Variants in RTL10 observed in about 807,000 individuals in gnomAD.
RTL10 encodes the protein retrotransposon Gag like 10.
For missense variants in RTL10, 477 were observed against 470.7 expected (o/e 1.01, Z -0.12); for synonymous variants, 199 against 188.4 (o/e 1.06, Z -0.46).
chr22:19,846,705 T>C lies in RTL10; in HGVS notation c.*4462A>G, dbSNP rs887417927. ...GTCATGAGGGTGGGCCCTGATCCAATAGACTAGTGAGCTTATGAGAGATTA... is the reference window on the plus strand; with the variant it reads ...GTCATGAGGGTGGGCCCTGATCCAACAGACTAGTGAGCTTATGAGAGATTA... On this transcript the variant is annotated 3_prime_UTR_variant, in exon 3 of 3. Transcript: ENST00000328554. 1.6e-5 allele frequency: 6 copies of C among 376,722 alleles called. No individual in the cohort carries two copies. Among genetic ancestry groups the C allele is most frequent in the African/African-American group, 2.2e-5 (1 of 45,614 alleles). The allele number at this position is 376,722 out of a possible 1,614,324, so 23.3% of individuals were successfully genotyped here.
Position 19,846,360 on chromosome 22 carries a change from TTTC to T in RTL10, c.*4804_*4806del. On this transcript the variant is annotated 3_prime_UTR_variant, in exon 3 of 3. Transcript: ENST00000328554. Reference sequence around the variant, plus strand: ...TTTGTACCCCCCAGGTAGGGAAAGATTTCTTAAGTGAGAAACAGCATCCCATAC... The same window carrying T: ...TTTGTACCCCCCAGGTAGGGAAAGATTTAAGTGAGAAACAGCATCCCATAC... 1.1e-6 allele frequency: 1 copy of T among 952,034 alleles called. No homozygotes were observed. Among genetic ancestry groups the T allele is most frequent in the Non-Finnish European group, 1.3e-6 (1 of 799,522 alleles). The allele number at this position is 952,034 out of a possible 1,614,324, so 59.0% of individuals were successfully genotyped here. A position where few individuals can be genotyped will look rare whatever the true frequency, so the allele number is the denominator to read the frequency against.
At chr22:19,853,713 C>T (rs1214945032) in intron 2 of RTL10, among the ~76,000 whole-genome samples, 1 of 151,262 alleles carries the variant, frequency 6.6e-6, no homozygotes, top group Non-Finnish European at 1.5e-5. Flanking sequence ...GGTCTGACCC[C>T]CCTCTGGGGG....
In RTL10 at chr22:19,851,375, G is replaced by A. The variant is rs1171488287; in HGVS notation, c.887C>T (p.Ala296Val). Reference sequence around the variant, plus strand: ...CGACAGTCTAGGGACAGGTGTGGGGGCTGCCTCCTCTGGCTGGGAAGAGGC... The same window carrying A: ...CGACAGTCTAGGGACAGGTGTGGGGACTGCCTCCTCTGGCTGGGAAGAGGC... ...EPASSQPEEA[A>V]PTPVPRLSES... The change falls in exon 3 of 3, where the codon GCC becomes GTC. Residue 296 changes from alanine to valine, a missense_variant. Coordinates refer to ENST00000328554, the MANE Select transcript of RTL10 (RefSeq NM_024627.6). 3 of 1,614,172 alleles carry A rather than the reference G, an allele frequency of 1.9e-6. No homozygotes were observed. Among genetic ancestry groups the A allele is most frequent in the Admixed American group, 1.7e-5 (1 of 60,024 alleles).
In RTL10 at chr22:19,851,791, G is replaced by A; in HGVS notation, c.471C>T (p.Tyr157=). ...TGRAQAWAAP[Y]LDGDLPLPDD... is the part of the protein sequence containing the mutation. ...CAGGCAGGGGCAGGTCCCCATCAAG[G>A]TAGGGGGCTGCCCAGGCCTGGGCTC... is the stretch of plus-strand genomic sequence containing the variant. The change falls in exon 3 of 3, where the codon TAC becomes TAT. Residue 157 remains tyrosine (Y), a synonymous_variant. Transcript: ENST00000328554. The A allele has an allele frequency of 6.8e-6, 11 of 1,613,972 alleles. No homozygotes were observed. The highest frequency in any genetic ancestry group is 9.3e-6 in the Non-Finnish European group (11 of 1,179,910).
Position 19,852,400 on chromosome 22 carries a change from T to C in RTL10, c.-139A>G. The stretch of plus-strand genomic sequence containing the variant: ...GACCCGCACTGGTCCAGGCAAGTGC[T>C]GAGGATCAGGGAGCTGACAGCTGCA... On this transcript the variant is annotated 5_prime_UTR_variant, in exon 3 of 3. Coordinates refer to ENST00000328554, the MANE Select transcript of RTL10 (RefSeq NM_024627.6). 1.1e-6 allele frequency: 1 copy of C among 893,756 alleles called. No homozygotes were observed. The highest frequency in any genetic ancestry group is 3.6e-4 in the Middle Eastern group (1 of 2,806). 55.4% of individuals were successfully genotyped at this position (893,756 alleles called of 1,614,324 possible).
chr22:19,850,332 G>A lies in RTL10; in HGVS notation c.*835C>T. On this transcript the variant is annotated 3_prime_UTR_variant, in exon 3 of 3. Coordinates refer to ENST00000328554, the MANE Select transcript of RTL10 (RefSeq NM_024627.6). ...CTGTGCTGAGGGTCACAGTCTGCCA[G>A]GAGGGAGATCCAAGTCATTTACACA... 9 of 984,540 alleles carry A rather than the reference G, an allele frequency of 9.1e-6. No individual in the cohort carries two copies. Among genetic ancestry groups the A allele is most frequent in the Middle Eastern group, 5.2e-4 (1 of 1,912 alleles). The allele number at this position is 984,540 out of a possible 1,614,324, so 61.0% of individuals were successfully genotyped here.
In RTL10 at chr22:19,852,379, C is replaced by T. The variant is rs1413936736; in HGVS notation, c.-118G>A. On this transcript the variant is annotated 5_prime_UTR_variant, in exon 3 of 3. Transcript: ENST00000328554. ...ATGGCTGAACAGGGCGTGGCAGACC[C>T]GCACTGGTCCAGGCAAGTGCTGAGG... 9.0e-6 allele frequency: 10 copies of T among 1,113,404 alleles called. No individual in the cohort carries two copies. In the East Asian group the frequency reaches 9.6e-5, roughly 11 times the overall value. 69.0% of individuals were successfully genotyped at this position (1,113,404 alleles called of 1,614,324 possible). A position where few individuals can be genotyped will look rare whatever the true frequency, so the allele number is the denominator to read the frequency against.
At position 19,851,952 on chromosome 22, in the gene RTL10, G is replaced by T; in HGVS notation, c.310C>A (p.Pro104Thr). 6.2e-7 allele frequency: 1 copy of T among 1,614,090 alleles called. No homozygotes were observed. The highest frequency in any genetic ancestry group is 8.5e-7 in the Non-Finnish European group (1 of 1,179,956). Residue 104 changes from proline (P) to threonine (T), a missense_variant, in exon 3 of 3, where the codon CCA becomes ACA. Physicochemically the swap from Pro to Thr is conservative, Grantham distance 38 (BLOSUM62 -1). Coordinates refer to ENST00000328554, the MANE Select transcript of RTL10 (RefSeq NM_024627.6). ...VDFCWVPGSD[P>T]GTFDGSPWLL... ...CACGGGGAGCCATCAAAGGTGCCTGGGTCTGAGCCTGGTACCCAGCAGAAG... is the reference window on the plus strand; with the variant it reads ...CACGGGGAGCCATCAAAGGTGCCTGTGTCTGAGCCTGGTACCCAGCAGAAG...
At position 19,853,938 on chromosome 22, in the gene RTL10, G is replaced by A. The variant is rs184039854; in HGVS notation, c.-226+505C>T. Reference sequence around the variant, plus strand: ...ACACCCCATGCCCGGGAGCCACAGTGTGCTACCCAGATCTCTGCCTTCCCT... The same window carrying A: ...ACACCCCATGCCCGGGAGCCACAGTATGCTACCCAGATCTCTGCCTTCCCT... On this transcript the variant is annotated intron_variant, in intron 2 of 2. Coordinates refer to ENST00000328554, the MANE Select transcript of RTL10 (RefSeq NM_024627.6). Among the ~76,000 whole-genome samples, 29 of 152,272 alleles carry A rather than the reference G, an allele frequency of 1.9e-4. No individual in the cohort carries two copies. In the East Asian group the frequency reaches 4.6e-3, roughly 24 times the overall value.
Position 19,846,468 on chromosome 22 carries a change from C to A in RTL10, c.*4699G>T. On this transcript the variant is annotated 3_prime_UTR_variant, in exon 3 of 3. Coordinates refer to ENST00000328554, the MANE Select transcript of RTL10 (RefSeq NM_024627.6). ...CAGTATGGGCCCCAGAACCCAGGGC[C>A]TGGGGGACTCTGCACACAGGCATGT... 5.1e-6 allele frequency: 5 copies of A among 985,412 alleles called. No individual in the cohort carries two copies. Among genetic ancestry groups the A allele is most frequent in the Non-Finnish European group, 6.0e-6 (5 of 829,896 alleles). The allele number at this position is 985,412 out of a possible 1,614,324, so 61.0% of individuals were successfully genotyped here. A position where few individuals can be genotyped will look rare whatever the true frequency, so the allele number is the denominator to read the frequency against.
rs368485950 is a variant in RTL10, at chr22:19,851,341, A to G, written c.921T>C (p.Ala307=). ...GGTCTGGTCTCTGGGCAGGAGGATTAGCTGACTCCGACAGTCTAGGGACAG... is the reference window on the plus strand; with the variant it reads ...GGTCTGGTCTCTGGGCAGGAGGATTGGCTGACTCCGACAGTCTAGGGACAG... The part of the protein sequence containing the change: ...PTPVPRLSES[A]NPPAQRPDPA... The change falls in exon 3 of 3, where the codon GCT becomes GCC. Residue 307 remains alanine (A), a synonymous_variant. Coordinates refer to ENST00000328554, the MANE Select transcript of RTL10 (RefSeq NM_024627.6). 15 of 1,613,992 alleles carry G rather than the reference A, an allele frequency of 9.3e-6. No homozygotes were observed. The highest frequency in any genetic ancestry group is 1.2e-5 in the Non-Finnish European group (14 of 1,180,000).
Position 19,850,047 on chromosome 22 carries a change from C to A in RTL10, c.*1120G>T, listed in dbSNP as rs1938057271. The A allele has an allele frequency of 1.0e-6, 1 of 985,770 alleles. No individual in the cohort carries two copies. Among genetic ancestry groups the A allele is most frequent in the Admixed American group, 6.1e-5 (1 of 16,278 alleles). 61.1% of individuals were successfully genotyped at this position (985,770 alleles called of 1,614,324 possible). A position where few individuals can be genotyped will look rare whatever the true frequency, so the allele number is the denominator to read the frequency against. On this transcript the variant is annotated 3_prime_UTR_variant, in exon 3 of 3. Coordinates refer to ENST00000328554, the MANE Select transcript of RTL10 (RefSeq NM_024627.6). ...CACCTACAGCTCTCGGAAGTCAGTT[C>A]TCTACCTGCAGAGCCACCCACCCCC...
At position 19,850,910 on chromosome 22, in the gene RTL10, G is replaced by C. The variant is rs541280494; in HGVS notation, c.*257C>G. 1 of 1,361,026 alleles carries C rather than the reference G, an allele frequency of 7.3e-7. No individual in the cohort carries two copies. The highest frequency in any genetic ancestry group is 9.4e-7 in the Non-Finnish European group (1 of 1,060,964). 84.3% of individuals were successfully genotyped at this position (1,361,026 alleles called of 1,614,324 possible). ...TCGTGGGAGCAGGCCTGGGTGAGAC[G>C]GCACTCCCAGAAGACGGGCAGGGAT... On this transcript the variant is annotated 3_prime_UTR_variant, in exon 3 of 3. Transcript: ENST00000328554.
In RTL10 at chr22:19,852,102, C is replaced by A; in HGVS notation, c.160G>T (p.Asp54Tyr). Residue 54 changes from aspartate to tyrosine, a missense_variant, in exon 3 of 3, where the codon GAC (aspartate) becomes TAC (tyrosine). By Grantham distance (160) the Asp-to-Tyr change is radical (BLOSUM62 -3). Transcript: ENST00000328554. The part of the protein sequence containing the change: ...DPWIERPCCG[D>Y]TVCVRTTMEQ... Reference sequence around the variant, plus strand: ...ATGGTCGTTCGCACACACACGGTGTCCCCACAGCAGGGCCGCTCAATCCAG... The same window carrying A: ...ATGGTCGTTCGCACACACACGGTGTACCCACAGCAGGGCCGCTCAATCCAG... 6.2e-7 allele frequency: 1 copy of A among 1,614,226 alleles called. No homozygotes were observed. Among genetic ancestry groups the A allele is most frequent in the Non-Finnish European group, 8.5e-7 (1 of 1,180,038 alleles).
In RTL10 at chr22:19,847,874, T is replaced by C; in HGVS notation, c.*3293A>G. The C allele has an allele frequency of 1.0e-6, 1 of 972,516 alleles. No individual in the cohort carries two copies. The highest frequency in any genetic ancestry group is 1.2e-6 in the Non-Finnish European group (1 of 819,450). 60.2% of individuals were successfully genotyped at this position (972,516 alleles called of 1,614,324 possible). A position where few individuals can be genotyped will look rare whatever the true frequency, so the allele number is the denominator to read the frequency against. ...CTTTCATAATTGTAACATTGAAATC[T>C]TTAATCTGGAATATGTACTGGCATA... On this transcript the variant is annotated 3_prime_UTR_variant, in exon 3 of 3. Transcript: ENST00000328554.
Position 19,848,400 on chromosome 22 carries a change from C to A in RTL10, c.*2767G>T. The A allele has an allele frequency of 1.0e-6, 1 of 985,516 alleles. No homozygotes were observed. The highest frequency in any genetic ancestry group is 1.2e-6 in the Non-Finnish European group (1 of 830,002). The allele number at this position is 985,516 out of a possible 1,614,324, so 61.0% of individuals were successfully genotyped here. ...GAAAAACAACCCAGGGGGAATGCCT[C>A]CTTCCCCCAGCAGGAAAGCAGCTTG... On this transcript the variant is annotated 3_prime_UTR_variant, in exon 3 of 3. Transcript: ENST00000328554.
In RTL10 at chr22:19,847,130, T is replaced by C; in HGVS notation, c.*4037A>G. On this transcript the variant is annotated 3_prime_UTR_variant, in exon 3 of 3. Coordinates refer to ENST00000328554, the MANE Select transcript of RTL10 (RefSeq NM_024627.6). ...GAAGTGGGGTGACACACATTACTTG[T>C]GGCCTGCTGTGGCCTTTCCCCTGCC... 1 of 985,456 alleles carries C rather than the reference T, an allele frequency of 1.0e-6. No homozygotes were observed. The highest frequency in any genetic ancestry group is 1.1e-4 in the East Asian group (1 of 8,816). 61.0% of individuals were successfully genotyped at this position (985,456 alleles called of 1,614,324 possible).
chr22:19,852,276 G>GTCT lies in RTL10; in HGVS notation c.-16_-15insAGA. 1 of 1,584,460 alleles carries GTCT rather than the reference G, an allele frequency of 6.3e-7. No individual in the cohort carries two copies. The highest frequency in any genetic ancestry group is 1.2e-5 in the South Asian group (1 of 85,644). On this transcript the variant is annotated 5_prime_UTR_variant, in exon 3 of 3. Coordinates refer to ENST00000328554, the MANE Select transcript of RTL10 (RefSeq NM_024627.6). ...CCACGAGGCATGCTGGGAGCACAGG[G>GTCT]GAGAAGAGAGGAGAGCCAGCACTGG...
Position 19,849,629 on chromosome 22 carries a change from A to C in RTL10, c.*1538T>G, listed in dbSNP as rs951190830. On this transcript the variant is annotated 3_prime_UTR_variant, in exon 3 of 3. Coordinates refer to ENST00000328554, the MANE Select transcript of RTL10 (RefSeq NM_024627.6). ...TGATCCACCCACCTTGGCCTCCCAGAGTGCTGGGATTACAGGTGTGAGACA... is the reference window on the plus strand; with the variant it reads ...TGATCCACCCACCTTGGCCTCCCAGCGTGCTGGGATTACAGGTGTGAGACA... 1.1e-6 allele frequency: 1 copy of C among 938,992 alleles called. No individual in the cohort carries two copies. The highest frequency in any genetic ancestry group is 1.8e-5 in the African/African-American group (1 of 56,220). The allele number at this position is 938,992 out of a possible 1,614,324, so 58.2% of individuals were successfully genotyped here.
Sources: gnomAD v4.1 joint callset for allele counts (sites outside exome capture counted in the v4.1 genomes callset) on GRCh38, gnomAD v4.1.1 for gene constraint, MANE v1.5 for transcripts, NCBI Gene and HGNC (gene_info 2026-07-23, HGNC 2026-07-21) for gene names.